The following APOOL variants were observed in gnomAD, a reference collection of about 807,000 sequenced individuals.
The protein encoded by APOOL is MICOS complex subunit MIC27.
Under a neutral mutation model 23.1 loss-of-function variants are expected in APOOL, and 12 were observed. The ratio of observed to expected loss-of-function variants is 0.52; its 90% CI spans 0.33 to 0.84. The LOEUF is 0.84. Ranked by LOEUF, APOOL falls within the 40% of genes least tolerant of loss-of-function variation. The pLI is 0.02. For synonymous variants in APOOL, 77 were observed against 69.9 expected (o/e 1.10, Z -0.51); for missense variants, 212 against 199.6 (o/e 1.06, Z -0.37).
intron 1 of APOOL, among the ~76,000 whole-genome samples, chrX:85,036,765 A>G (rs1482871321): frequency 9.0e-6 from 1 of 110,789 alleles, no homozygotes; most frequent in African/African-American, 3.3e-5. Context: ...TAAGTTCTTT[A>G]GTAGTGATTT....
In APOOL at chrX:85,054,390, T is replaced by C; in HGVS notation, c.287T>C (p.Phe96Ser). 1 of 1,183,915 alleles carries C rather than the reference T, an allele frequency of 8.4e-7. No homozygotes were observed. The highest frequency in any genetic ancestry group is 1.1e-6 in the Non-Finnish European group (1 of 878,970). ...VKNGIMDTVQ[F>S]GKDAYVYLKN... ...AATGGGATAATGGATACAGTACAAT[T>C]TGGAAAAGGTAGGTGAGTAGATAAT... The change falls in exon 4 of 9, where the codon TTT becomes TCT. Residue 96 changes from phenylalanine to serine, a missense_variant. Physicochemically the swap from Phe to Ser is radical, Grantham distance 155 (BLOSUM62 -2). Coordinates refer to ENST00000373173, the MANE Select transcript of APOOL (RefSeq NM_198450.6).
chrX:85,012,318 G>C (rs1301243747), intron 1 of APOOL, among the ~76,000 whole-genome samples: 1 of 111,017 alleles, frequency 9.0e-6, no homozygotes, highest in African/African-American at 3.3e-5. Flanking sequence ...CCTCTTTTCT[G>C]ATTTGGGTGC....
chrX:85,023,575 C>A (rs1447599029), intron 1 of APOOL, among the ~76,000 whole-genome samples: 1 of 111,798 alleles, frequency 8.9e-6, no homozygotes, highest in Admixed American at 9.5e-5. Flanking sequence ...CATATGCAAC[C>A]AGAAGAGACT....
intron 1 of APOOL, among the ~76,000 whole-genome samples, chrX:85,014,987 C>A (rs977208673): frequency 3.6e-5 from 4 of 110,138 alleles, no homozygotes; most frequent in Non-Finnish European, 5.7e-5. Context: ...TAACATAATC[C>A]TCAGTTTATT....
chrX:85,046,289 T>C lies in APOOL; in HGVS notation c.16-157T>C, dbSNP rs1922570870. 5.6e-5 allele frequency: 24 copies of C among 431,222 alleles called. No individual in the cohort carries two copies. The South Asian group carries it at 1.2e-3, about 21-fold the overall frequency. The allele number at this position is 431,222 out of a possible 1,213,427, so 35.5% of individuals were successfully genotyped here. On this transcript the variant is annotated intron_variant, in intron 1 of 8. Coordinates refer to ENST00000373173, the MANE Select transcript of APOOL (RefSeq NM_198450.6). ...AGTATGAGAAGATAATTTTATGAAC[T>C]ATGTCTTAAAAATGTCTGAGGTAAT...
chrX:85,006,007 C>A (rs1031619445), intron 1 of APOOL, among the ~76,000 whole-genome samples: 12 of 112,157 alleles, frequency 1.1e-4, no homozygotes, highest in African/African-American at 3.6e-4. Flanking sequence ...TACTCCAGGC[C>A]AGGCACTATG....
intron 8 of APOOL, among the ~76,000 whole-genome samples, chrX:85,077,092 TAC>T (rs113770967): frequency 2.6e-5 from 2 of 78,103 alleles, no homozygotes; most frequent in African/African-American, 9.3e-5. Flanking sequence ...TATATATATA[TAC>T]ACACACATAT....
intron 1 of APOOL, among the ~76,000 whole-genome samples, chrX:85,016,047 C>G (rs1384180504): frequency 9.1e-6 from 1 of 110,232 alleles, no homozygotes; most frequent in Non-Finnish European, 1.9e-5. Flanking sequence ...GTTGGAATGG[C>G]AGGGATCTTT....
intron 1 of APOOL, among the ~76,000 whole-genome samples, chrX:85,021,540 A>G (rs1426380745): frequency 9.0e-6 from 1 of 111,391 alleles, no homozygotes; most frequent in Non-Finnish European, 1.9e-5. Flanking sequence ...GACAGAGCCT[A>G]TGGACTGAGA....
At chrX:85,034,368 C>T (rs1922141897) in intron 1 of APOOL, among the ~76,000 whole-genome samples, 1 of 110,851 alleles carries the variant, frequency 9.0e-6, no homozygotes, top group Non-Finnish European at 1.9e-5. Flanking sequence ...TACAAAAATG[C>T]TACATGATAG....
intron 1 of APOOL, among the ~76,000 whole-genome samples, chrX:85,005,031 ATT>A (rs1464817412): frequency 1.8e-5 from 2 of 110,848 alleles, no homozygotes; most frequent in Non-Finnish European, 3.8e-5. Flanking sequence ...ATCTAGTTGT[ATT>A]TATAGTTCAT....
At chrX:85,039,943 G>A (rs1037898215) in intron 1 of APOOL, among the ~76,000 whole-genome samples, 1 of 111,929 alleles carries the variant, frequency 8.9e-6, no homozygotes, top group Non-Finnish European at 1.9e-5. Context: ...CTGTCATCAT[G>A]TTGTTAGCGG....
intron 1 of APOOL, among the ~76,000 whole-genome samples, chrX:85,023,807 C>A (rs138707989): frequency 6.9e-4 from 77 of 112,240 alleles, no homozygotes; most frequent in African/African-American, 2.5e-3. Context: ...CTGCATCCAT[C>A]TGGATTTTCT....
chrX:85,051,278 T>G, intron 2 of APOOL, 111 bp from the exon 3 acceptor site: 1 of 836,671 alleles, frequency 1.2e-6, no homozygotes, highest in Non-Finnish European at 1.7e-6. Context: ...TTTATCAGCA[T>G]TTTTAGTTGT....
intron 4 of APOOL, among the ~76,000 whole-genome samples, chrX:85,054,934 G>C (rs1463371384): frequency 2.7e-5 from 3 of 111,576 alleles, no homozygotes; most frequent in African/African-American, 9.7e-5. Context: ...ACTAACCCTG[G>C]AATATTTAAG....
At chrX:85,032,053 T>A (rs1922054719) in intron 1 of APOOL, among the ~76,000 whole-genome samples, 1 of 111,667 alleles carries the variant, frequency 9.0e-6, no homozygotes, top group Non-Finnish European at 1.9e-5. Context: ...AAGGAGGCTG[T>A]TAGGTGTTTT....
intron 1 of APOOL, among the ~76,000 whole-genome samples, chrX:85,017,149 G>A (rs1377333124): frequency 8.9e-6 from 1 of 111,972 alleles, no homozygotes; most frequent in African/African-American, 3.2e-5. Context: ...GTGGATCTGA[G>A]CTTAGACTCT....
rs1306112649 is a variant in APOOL, at chrX:85,015,066, T to G, written c.15+11139T>G. ...TTCTGATTGGGTTAATTCGAAAGCC[T>G]TGTCTTCGAGCTCTGAAATTCTTTC... On this transcript the variant is annotated intron_variant, in intron 1 of 8. Transcript: ENST00000373173. 5.4e-5 allele frequency among the ~76,000 whole-genome samples: 6 copies of G among 111,096 alleles called. No individual in the cohort carries two copies. In the East Asian group the frequency reaches 1.7e-3, roughly 31 times the overall value.
chrX:85,021,386 C>T (rs1921659507), intron 1 of APOOL, among the ~76,000 whole-genome samples: 1 of 111,736 alleles, frequency 8.9e-6, no homozygotes, highest in Non-Finnish European at 1.9e-5. Context: ...TTTCCAGTGG[C>T]TTCAGGTAAC....
Sources: allele counts gnomAD v4.1 joint callset (sites outside exome capture counted in the v4.1 genomes callset), GRCh38; gene constraint gnomAD v4.1.1; transcripts MANE v1.5; gene names NCBI Gene and HGNC (gene_info 2026-07-23, HGNC 2026-07-21).